Variants in C1QTNF3 observed in about 807,000 individuals in gnomAD.
The protein encoded by C1QTNF3 is complement C1q tumor necrosis factor-related protein 3.
A neutral mutation model predicts 32.6 loss-of-function variants in C1QTNF3; 26 were observed. That is an observed-to-expected ratio of 0.80 (90% confidence interval 0.58 to 1.11). The LOEUF is 1.11. Ranked by LOEUF, C1QTNF3 falls within the 50% of genes least tolerant of loss-of-function variation. The pLI, the probability that C1QTNF3 is intolerant of heterozygous loss-of-function variation, is 0.00. For synonymous variants in C1QTNF3, 155 were observed against 146.0 expected (o/e 1.06, Z -0.44); for missense variants, 362 against 398.2 (o/e 0.91, Z 0.77).
chr5:34,132,677 T>C, the C1QTNF3 span, among the ~76,000 whole-genome samples: 2 of 152,132 alleles, frequency 1.3e-5, no homozygotes, highest in African/African-American at 2.4e-5. Flanking sequence ...CTATAATTAC[T>C]ATTTTCATTA....
At chr5:34,224,343 A>T in the C1QTNF3 span, among the ~76,000 whole-genome samples, 6 of 152,236 alleles carry the variant, frequency 3.9e-5, no homozygotes, top group Non-Finnish European at 8.8e-5. Context: ...CGCATCGCCA[A>T]GTCAATCCTA....
At chr5:34,110,154 C>T in the C1QTNF3 span, among the ~76,000 whole-genome samples, 17 of 152,180 alleles carry the variant, frequency 1.1e-4, no homozygotes, top group East Asian at 1.5e-3. Flanking sequence ...TGTGACAATA[C>T]GTGAAAAATA....
the C1QTNF3 span, among the ~76,000 whole-genome samples, chr5:34,185,096 C>T: frequency 5.3e-5 from 8 of 152,292 alleles, no homozygotes; most frequent in Admixed American, 5.2e-4. Flanking sequence ...CCTGTAATCC[C>T]AGCACTTTGG....
chr5:34,195,659 G>A, the C1QTNF3 span, among the ~76,000 whole-genome samples: 2 of 152,340 alleles, frequency 1.3e-5, no homozygotes, highest in East Asian at 3.9e-4. Flanking sequence ...GGCTAACATG[G>A]TAAAACCCCG....
chr5:34,177,480 CT>C, the C1QTNF3 span, among the ~76,000 whole-genome samples: 862 of 84,646 alleles, frequency 0.01, 4 homozygotes, highest in Middle Eastern at 0.038. Context: ...CCATACCCAA[CT>C]TTTTTTTTTT....
the C1QTNF3 span, among the ~76,000 whole-genome samples, chr5:34,082,106 AT>A: frequency 1.2e-4 from 18 of 151,686 alleles, no homozygotes; most frequent in Non-Finnish European, 2.5e-4. Flanking sequence ...TCCACATTCA[AT>A]TTTAATTTTT....
the C1QTNF3 span, among the ~76,000 whole-genome samples, chr5:34,160,270 C>T: frequency 1.3e-5 from 2 of 152,292 alleles, no homozygotes; most frequent in African/African-American, 4.8e-5. Context: ...AGAACTCCTA[C>T]CATCCCGTTT....
chr5:34,073,192 TG>T, the C1QTNF3 span, among the ~76,000 whole-genome samples: 3 of 151,716 alleles, frequency 2.0e-5, no homozygotes, highest in South Asian at 2.1e-4. Flanking sequence ...CCGGGTGTGG[TG>T]GTGGGCGCCT....
chr5:34,129,233 C>T, the C1QTNF3 span, among the ~76,000 whole-genome samples: 9 of 152,114 alleles, frequency 5.9e-5, no homozygotes, highest in African/African-American at 2.2e-4. Flanking sequence ...TCAATTAAAC[C>T]TCTTTTCTTT....
the C1QTNF3 span, among the ~76,000 whole-genome samples, chr5:34,173,156 T>C: frequency 6.6e-6 from 1 of 152,152 alleles, no homozygotes; most frequent in Non-Finnish European, 1.5e-5. Context: ...CCCTAAGAAA[T>C]ACTATACACT....
chr5:34,086,031 A>G, the C1QTNF3 span, among the ~76,000 whole-genome samples: 1 of 148,766 alleles, frequency 6.7e-6, no homozygotes, highest in African/African-American at 2.6e-5. Flanking sequence ...AAAGACTTGG[A>G]ACCAACCTAA....
the C1QTNF3 span, among the ~76,000 whole-genome samples, chr5:34,174,448 G>A: frequency 6.6e-6 from 1 of 152,152 alleles, no homozygotes; most frequent in Non-Finnish European, 1.5e-5. Context: ...TAGGTGCCAC[G>A]CAGAGAAGAG....
the C1QTNF3 span, among the ~76,000 whole-genome samples, chr5:34,142,431 CAA>C: frequency 7.5e-6 from 1 of 133,594 alleles, no homozygotes. Flanking sequence ...GACTCCATCT[CAA>C]AAAAAAAAAA....
At chr5:34,216,151 T>C in the C1QTNF3 span, among the ~76,000 whole-genome samples, 13 of 152,324 alleles carry the variant, frequency 8.5e-5, no homozygotes, top group Non-Finnish European at 1.6e-4. Flanking sequence ...AGCAAACACT[T>C]TGGGGATGGT....
At chr5:34,211,798 A>G in the C1QTNF3 span, among the ~76,000 whole-genome samples, 1 of 151,926 alleles carries the variant, frequency 6.6e-6, no homozygotes, top group Non-Finnish European at 1.5e-5. Flanking sequence ...TCACTGTTGG[A>G]CATTTGGATT....
the C1QTNF3 span, among the ~76,000 whole-genome samples, chr5:34,121,046 C>G: frequency 6.6e-5 from 10 of 152,104 alleles, 1 homozygote; most frequent in Admixed American, 2.6e-4. Context: ...TCATTAAGAA[C>G]ATCTTCCATA....
At chr5:34,038,461 A>G (rs1318903752) in intron 1 of C1QTNF3, among the ~76,000 whole-genome samples, 1 of 152,156 alleles carries the variant, frequency 6.6e-6, no homozygotes, top group Non-Finnish European at 1.5e-5. Flanking sequence ...TTAAAAAAAG[A>G]GAGAGAAGCC....
the C1QTNF3 span, among the ~76,000 whole-genome samples, chr5:34,142,256 C>T: frequency 6.6e-6 from 1 of 152,100 alleles, no homozygotes; most frequent in Non-Finnish European, 1.5e-5. Flanking sequence ...ACATGTGAAA[C>T]CCTGTCTCTA....
Position 34,020,627 on chromosome 5 carries a change from G to A in C1QTNF3, c.916C>T (p.Arg306Cys), listed in dbSNP as rs531887921. The A allele has an allele frequency of 2.5e-5, 41 of 1,614,214 alleles. No homozygotes were observed. The Admixed American group carries it at 5.7e-4, about 22-fold the overall frequency. ...GNGALHGDHQ[R>C]FSTFAGFLLF... ...AGGAATCCTGCAAAGGTGGAGAAGC[G>A]TTGGTGGTCCCCATGGAGAGCGCCA... The change falls in exon 6 of 6, where the codon CGC becomes TGC. Residue 306 changes from arginine (R) to cysteine (C), a missense_variant. By Grantham distance (180) the Arg-to-Cys change is radical (BLOSUM62 -3). Transcript: ENST00000382065.
Sources: gnomAD v4.1 joint callset for allele counts (sites outside exome capture counted in the v4.1 genomes callset) on GRCh38, gnomAD v4.1.1 for gene constraint, MANE v1.5 for transcripts, NCBI Gene and HGNC (gene_info 2026-07-23, HGNC 2026-07-21) for gene names.